ADAMTS12: variants seen among roughly 807,000 people sequenced by gnomAD.
ADAMTS12 encodes the protein ADAM metallopeptidase with thrombospondin type 1 motif 12.
In ADAMTS12, 118 loss-of-function variants were observed where a neutral mutation model predicts 167.8. The observed-to-expected ratio is 0.70, with a 90% confidence interval of 0.61 to 0.82. ADAMTS12 has a LOEUF of 0.82. Ranked by LOEUF, ADAMTS12 falls within the 40% of genes least tolerant of loss-of-function variation. The probability of loss-of-function intolerance (pLI) is 0.00; values close to 1 mark genes in which losing one functional copy is unlikely to be tolerated. For synonymous variants in ADAMTS12, 704 were observed against 716.9 expected (o/e 0.98, Z 0.29); for missense variants, 1,916 against 1,998.8 (o/e 0.96, Z 0.79).
At chr5:33,751,212 T>A in intron 3 of ADAMTS12, 192 bp downstream of exon 3, 1 of 686,832 alleles carries the variant, frequency 1.5e-6, no homozygotes, top group Non-Finnish European at 2.4e-6. Context: ...AGTGAAAGGG[T>A]TTATACAAGC....
chr5:33,652,824 CTGCG>C (rs1740914440), intron 7 of ADAMTS12, among the ~76,000 whole-genome samples: 1 of 152,114 alleles, frequency 6.6e-6, no homozygotes, highest in South Asian at 2.1e-4. Context: ...TTTCATTCTT[CTGCG>C]TGTGGCTATC....
At chr5:33,833,809 T>C (rs1398398648) in intron 2 of ADAMTS12, among the ~76,000 whole-genome samples, 3 of 152,106 alleles carry the variant, frequency 2.0e-5, no homozygotes, top group Non-Finnish European at 2.9e-5. Context: ...ATGATTACAA[T>C]AAAATATTAA....
intron 2 of ADAMTS12, among the ~76,000 whole-genome samples, chr5:33,791,826 G>A (rs1326846145): frequency 6.7e-6 from 1 of 148,976 alleles, no homozygotes; most frequent in Non-Finnish European, 1.5e-5. Flanking sequence ...TTGATATAAA[G>A]GAAGCTTTAC....
chr5:33,682,391 C>A (rs62352061), intron 5 of ADAMTS12, among the ~76,000 whole-genome samples: 8,027 of 152,090 alleles, frequency 0.053, 439 homozygotes, highest in East Asian at 0.17. Context: ...ATTTCAAGTA[C>A]TTGGATATGA....
intron 3 of ADAMTS12, among the ~76,000 whole-genome samples, chr5:33,700,622 GGAT>G (rs1742965839): frequency 6.6e-6 from 1 of 152,096 alleles, no homozygotes; most frequent in South Asian, 2.1e-4. Context: ...GACTGTCAGT[GGAT>G]GCACAAAAAT....
rs1050772481 is a variant in ADAMTS12, at chr5:33,847,635, G to A, written c.489+33484C>T. Among the ~76,000 whole-genome samples the A allele has an allele frequency of 1.3e-3, 200 of 150,254 alleles. 1 individual carries two copies. Among genetic ancestry groups the A allele is most frequent in the African/African-American group, 4.7e-3 (193 of 40,860 alleles). On this transcript the variant is annotated intron_variant, in intron 2 of 23. Transcript: ENST00000504830. ...CAAAACTCCATCTCAAAAAAAAAAA[G>A]AAAGAAAGAAAGAAAAGGAAGTTTC...
chr5:33,685,182 G>A (rs754977531), intron 3 of ADAMTS12, among the ~76,000 whole-genome samples: 5 of 152,228 alleles, frequency 3.3e-5, no homozygotes, highest in Admixed American at 2.6e-4. Flanking sequence ...TCGAAGCAGA[G>A]TGGCAAACCT....
At chr5:33,656,090 A>G (rs932429835) in intron 7 of ADAMTS12, among the ~76,000 whole-genome samples, 2 of 152,182 alleles carry the variant, frequency 1.3e-5, no homozygotes, top group African/African-American at 4.8e-5. Flanking sequence ...GAAATAGAAC[A>G]ATAATAACAA....
chr5:33,741,876 T>G (rs1233932700), intron 3 of ADAMTS12, among the ~76,000 whole-genome samples: 1 of 152,180 alleles, frequency 6.6e-6, no homozygotes, highest in Non-Finnish European at 1.5e-5. Context: ...TCCACCTGCC[T>G]CAGCCTCCCG....
chr5:33,668,034 C>T (rs959836570), intron 5 of ADAMTS12, among the ~76,000 whole-genome samples: 7 of 152,210 alleles, frequency 4.6e-5, no homozygotes, highest in African/African-American at 1.7e-4. Context: ...CCCCAAGCAA[C>T]AAGAAGTAAG....
Position 33,534,887 on chromosome 5 carries a change from G to T in ADAMTS12, c.4552C>A (p.Pro1518Thr), listed in dbSNP as rs1181251651. The T allele has an allele frequency of 1.1e-5, 17 of 1,613,946 alleles. No homozygotes were observed. Among genetic ancestry groups the T allele is most frequent in the Non-Finnish European group, 1.3e-5 (15 of 1,180,006 alleles). The change falls in exon 23 of 24, where the codon CCC (proline) becomes ACC (threonine). Residue 1518 changes from proline (P) to threonine (T), a missense_variant. By Grantham distance (38) the Pro-to-Thr change is conservative (BLOSUM62 -1). Transcript: ENST00000504830. Reference sequence around the variant, plus strand: ...CATTTTTTGAATTCTGGAGGTCTGGGTTTGTGATCACATAGACATTGGTCT... The same window carrying T: ...CATTTTTTGAATTCTGGAGGTCTGGTTTTGTGATCACATAGACATTGGTCT... ...DQDQCLCDHK[P>T]RPPEFKKCNQ... is the part of the protein sequence containing the mutation.
At chr5:33,820,457 T>G (rs1217606385) in intron 2 of ADAMTS12, among the ~76,000 whole-genome samples, 1 of 152,182 alleles carries the variant, frequency 6.6e-6, no homozygotes, top group Non-Finnish European at 1.5e-5. Flanking sequence ...ATATGTTTAT[T>G]AGACTATGAG....
intron 20 of ADAMTS12, among the ~76,000 whole-genome samples, chr5:33,554,386 T>A (rs1745398553): frequency 6.6e-6 from 1 of 152,208 alleles, no homozygotes; most frequent in Non-Finnish European, 1.5e-5. Flanking sequence ...TTGGGGTCAC[T>A]TCTTATATGC....
chr5:33,745,644 G>A (rs957794246), intron 3 of ADAMTS12, among the ~76,000 whole-genome samples: 65 of 152,184 alleles, frequency 4.3e-4, no homozygotes, highest in African/African-American at 1.5e-3. Context: ...TGGAAACCCA[G>A]ACACCTGAAG....
intron 5 of ADAMTS12, among the ~76,000 whole-genome samples, chr5:33,675,826 A>G (rs897676047): frequency 2.6e-5 from 4 of 152,190 alleles, no homozygotes; most frequent in African/African-American, 9.7e-5. Flanking sequence ...TTGATCACAG[A>G]AGCCTTGAGA....
intron 6 of ADAMTS12, 88 bp from the exon 7 acceptor site, chr5:33,658,421 C>T: frequency 1.3e-6 from 2 of 1,489,136 alleles, no homozygotes; most frequent in Non-Finnish European, 1.8e-6. Flanking sequence ...AACTCACATT[C>T]AATATGGTCT....
At chr5:33,770,697 A>T (rs1024191526) in intron 2 of ADAMTS12, among the ~76,000 whole-genome samples, 1 of 151,614 alleles carries the variant, frequency 6.6e-6, no homozygotes, top group Non-Finnish European at 1.5e-5. Context: ...TACACTTCTG[A>T]TGTCACCTTC....
At chr5:33,797,825 G>A (rs1191119389) in intron 2 of ADAMTS12, among the ~76,000 whole-genome samples, 1 of 152,088 alleles carries the variant, frequency 6.6e-6, no homozygotes, top group Non-Finnish European at 1.5e-5. Context: ...AGAGAGCATA[G>A]CCCAACTCCA....
intron 2 of ADAMTS12, among the ~76,000 whole-genome samples, chr5:33,818,181 T>C (rs1279278566): frequency 6.6e-6 from 1 of 152,004 alleles, no homozygotes; most frequent in Non-Finnish European, 1.5e-5. Context: ...TTATTAATTT[T>C]AGTACTCATG....
Sources: gnomAD v4.1 joint callset for allele counts (sites outside exome capture counted in the v4.1 genomes callset) on GRCh38, gnomAD v4.1.1 for gene constraint, MANE v1.5 for transcripts, NCBI Gene and HGNC (gene_info 2026-07-23, HGNC 2026-07-21) for gene names.